DCBLD2: variants seen among roughly 807,000 people sequenced by gnomAD.
DCBLD2 encodes discoidin, CUB and LCCL domain containing 2.
DCBLD2 carries 54 observed loss-of-function variants against 86.8 expected under a neutral mutation model. The observed-to-expected ratio is 0.62, with a 90% CI of 0.50 to 0.78. The LOEUF (loss-of-function observed/expected upper bound fraction) is 0.78. Ranked by LOEUF, DCBLD2 falls within the 30% of genes least tolerant of loss-of-function variation. DCBLD2 has a pLI of 0.00. For synonymous variants in DCBLD2, 354 were observed against 341.3 expected, an observed-to-expected ratio of 1.04 and a Z score of -0.41; for missense variants, 908 against 954.2, an observed-to-expected ratio of 0.95 and a Z score of 0.64.
intron 9 of DCBLD2, chr3:98,816,257 C>T (rs865861915): frequency 7.0e-6 from 1 of 142,050 alleles, no homozygotes; most frequent in African/African-American, 2.6e-5. Context: ...AAAAAAAAAA[C>T]CAAAAAACCA....
At chr3:98,888,628 T>C (rs1943602303) in intron 1 of DCBLD2, among the ~76,000 whole-genome samples, 1 of 152,032 alleles carries the variant, frequency 6.6e-6, no homozygotes, top group South Asian at 2.1e-4. Context: ...ACTATTATTG[T>C]CATAAAAGAT....
intron 2 of DCBLD2, among the ~76,000 whole-genome samples, chr3:98,857,495 T>C (rs559703799): frequency 6.6e-6 from 1 of 152,274 alleles, no homozygotes; most frequent in South Asian, 2.1e-4. Flanking sequence ...AGCTTATTGG[T>C]CCGTTATGAC....
intron 2 of DCBLD2, among the ~76,000 whole-genome samples, chr3:98,877,325 T>G: frequency 6.6e-6 from 1 of 152,166 alleles, no homozygotes; most frequent in Non-Finnish European, 1.5e-5. Flanking sequence ...GTATTTAGAC[T>G]CTAAGTCCTC....
chr3:98,817,651 A>G, intron 9 of DCBLD2, 118 bp downstream of exon 9: 1 of 948,754 alleles, frequency 1.1e-6, no homozygotes, highest in Non-Finnish European at 1.5e-6. Context: ...AAATAACCAC[A>G]AGAGGGTAGT....
In DCBLD2 at chr3:98,901,259, G is replaced by C. The variant is rs1193517821; in HGVS notation, c.68C>G (p.Ala23Gly). The C allele has an allele frequency of 1.3e-6, 2 of 1,531,006 alleles. No individual in the cohort carries two copies. The highest frequency in any genetic ancestry group is 2.7e-5 in the African/African-American group (2 of 72,874). 94.8% of individuals were successfully genotyped at this position (1,531,006 alleles called of 1,614,324 possible). A position where few individuals can be genotyped will look rare whatever the true frequency, so the allele number is the denominator to read the frequency against. Residue 23 changes from alanine to glycine, a missense_variant, in exon 1 of 16, where the codon GCC becomes GGC. By Grantham distance (60) the Ala-to-Gly change is moderately conservative. Around this residue, in one of 3 missense-constraint regions of DCBLD2, gnomAD observed 294 missense variants for 256.0 expected, o/e 1.15. Transcript: ENST00000326840. ...PQCPQVRAAA[A>G]APAWAALPLS... ...GGGGAGCGCGGCCCAGGCGGGGGCG[G>C]CGGCCGCGGCCCGGACTTGGGGACA...
At chr3:98,844,063 C>CACACACACACACA (rs71124005) in intron 3 of DCBLD2, among the ~76,000 whole-genome samples, 27 of 142,980 alleles carry the variant, frequency 1.9e-4, no homozygotes, top group South Asian at 6.5e-4. Context: ...CACACACACA[C>CACACACACACACA]CCCAATTATG....
chr3:98,801,578 A>ATC, intron 14 of DCBLD2, 22 bp downstream of exon 14: 1 of 1,600,962 alleles, frequency 6.2e-7, no homozygotes, highest in Non-Finnish European at 8.5e-7. Context: ...TAGAAATGAG[A>ATC]TGCAAAGACC....
chr3:98,871,320 G>A (rs143783689), intron 2 of DCBLD2, among the ~76,000 whole-genome samples: 6 of 152,176 alleles, frequency 3.9e-5, no homozygotes, highest in South Asian at 2.1e-4. Context: ...CCAGTACTAC[G>A]TTGAATAAAA....
chr3:98,838,009 C>G (rs1406988008), intron 3 of DCBLD2, among the ~76,000 whole-genome samples: 6 of 95,054 alleles, frequency 6.3e-5, no homozygotes, highest in African/African-American at 1.2e-4. Context: ...AGAGGCGCCC[C>G]TCACCTCCCG....
intron 4 of DCBLD2, 48 bp from the exon 5 acceptor site, chr3:98,822,789 G>A (rs828618): frequency 0.28 from 421,525 of 1,493,708 alleles, 63,017 homozygotes; most frequent in East Asian, 0.45. Context: ...GTATTTTACA[G>A]GGAAAAAAGC....
intron 1 of DCBLD2, among the ~76,000 whole-genome samples, chr3:98,891,114 A>G (rs886765171): frequency 6.6e-6 from 1 of 151,740 alleles, no homozygotes; most frequent in African/African-American, 2.4e-5. Context: ...GATGATGAGT[A>G]CTACAGGGAA....
chr3:98,889,064 C>T (rs1357002984), intron 1 of DCBLD2, among the ~76,000 whole-genome samples: 1 of 151,962 alleles, frequency 6.6e-6, no homozygotes, highest in East Asian at 1.9e-4. Context: ...TAGTCTGGGC[C>T]TCACGTCCAA....
At position 98,796,637 on chromosome 3, in the gene DCBLD2, T is replaced by C. The variant is rs1027401227; in HGVS notation, c.*2735A>G. ...CCGTTTACATCAGCGAATAAACCCA[T>C]TGTTCAATGCAAAGTGCAAACAGTG... On this transcript the variant is annotated 3_prime_UTR_variant, in exon 16 of 16. Transcript: ENST00000326840. The C allele has an allele frequency of 3.9e-5, 6 of 152,662 alleles. No individual in the cohort carries two copies. The highest frequency in any genetic ancestry group is 7.2e-5 in the African/African-American group (3 of 41,458). 9.5% of individuals were successfully genotyped at this position (152,662 alleles called of 1,614,324 possible). A position where few individuals can be genotyped will look rare whatever the true frequency, so the allele number is the denominator to read the frequency against.
chr3:98,880,463 A>T (rs1943445843), intron 2 of DCBLD2, among the ~76,000 whole-genome samples: 2 of 152,188 alleles, frequency 1.3e-5, no homozygotes, highest in African/African-American at 2.4e-5. Context: ...CTGATGCCTA[A>T]ATCAAAGGTT....
intron 13 of DCBLD2, among the ~76,000 whole-genome samples, chr3:98,804,307 C>T (rs1293487830): frequency 6.6e-6 from 1 of 152,186 alleles, no homozygotes; most frequent in Non-Finnish European, 1.5e-5. Context: ...TTATCCATTT[C>T]TTCTAGATTT....
intron 2 of DCBLD2, among the ~76,000 whole-genome samples, chr3:98,870,806 A>AAAGAAAGAGAAAGAAAGG: frequency 8.1e-6 from 1 of 123,300 alleles, no homozygotes; most frequent in Admixed American, 8.1e-5. Context: ...AGAAAGAAAG[A>AAAGAAAGAGAAAGAAAGG]AAGAAAGGTA....
intron 2 of DCBLD2, among the ~76,000 whole-genome samples, chr3:98,850,655 C>T (rs1369450184): frequency 1.3e-5 from 2 of 152,184 alleles, no homozygotes; most frequent in Admixed American, 1.3e-4. Flanking sequence ...ATGGCAACAT[C>T]ACTTGAATAA....
At chr3:98,866,630 C>A (rs1364937113) in intron 2 of DCBLD2, among the ~76,000 whole-genome samples, 1 of 152,122 alleles carries the variant, frequency 6.6e-6, no homozygotes, top group Admixed American at 6.6e-5. Flanking sequence ...GAGTAGATTG[C>A]AAAAATTTTC....
chr3:98,852,814 C>T (rs1377842531), intron 2 of DCBLD2, among the ~76,000 whole-genome samples: 1 of 152,178 alleles, frequency 6.6e-6, no homozygotes, highest in Non-Finnish European at 1.5e-5. Context: ...CCCTGGCCAA[C>T]AGTTACCAAG....
Sources: gnomAD v4.1 joint callset for allele counts (sites outside exome capture counted in the v4.1 genomes callset) on GRCh38, gnomAD v4.1.1 for gene constraint, gnomAD v4.1.1 regional missense constraint, MANE v1.5 for transcripts, NCBI Gene and HGNC (gene_info 2026-07-23, HGNC 2026-07-21) for gene names.